The following ARHGAP42 variants were observed in gnomAD, a reference collection of about 807,000 sequenced individuals.
ARHGAP42 encodes rho GTPase-activating protein 42.
ARHGAP42 carries 63 observed loss-of-function variants against 125.0 expected under a neutral mutation model. The observed-to-expected ratio is 0.50, with a 90% CI of 0.41 to 0.62. The LOEUF (loss-of-function observed/expected upper bound fraction) is 0.62. Ranked by LOEUF, ARHGAP42 falls within the 20% of genes least tolerant of loss-of-function variation. The probability of loss-of-function intolerance (pLI) is 0.00; values close to 1 mark genes in which losing one functional copy is unlikely to be tolerated. For missense variants in ARHGAP42, 766 were observed against 1,024.2 expected (o/e 0.75, Z 3.44); for synonymous variants, 339 against 351.0 (o/e 0.97, Z 0.38).
chr11:100,838,758 C>T (rs958673363), intron 3 of ARHGAP42, among the ~76,000 whole-genome samples: 4 of 151,874 alleles, frequency 2.6e-5, no homozygotes, highest in African/African-American at 9.7e-5. Flanking sequence ...AAAAAATCTA[C>T]ATTTAATCTG....
At chr11:100,867,381 T>G (rs1357411091) in intron 4 of ARHGAP42, among the ~76,000 whole-genome samples, 1 of 152,252 alleles carries the variant, frequency 6.6e-6, no homozygotes, top group Non-Finnish European at 1.5e-5. Context: ...TTTAGCTATA[T>G]CTTCTGGATA....
chr11:100,783,934 G>A (rs2135015067), intron 2 of ARHGAP42, among the ~76,000 whole-genome samples: 1 of 152,172 alleles, frequency 6.6e-6, no homozygotes, highest in South Asian at 2.1e-4. Flanking sequence ...AAAATAGAAG[G>A]GGGGTCAAAA....
intron 3 of ARHGAP42, among the ~76,000 whole-genome samples, chr11:100,836,730 C>CTTT (rs200596327): frequency 8.1e-6 from 1 of 123,250 alleles, no homozygotes; most frequent in Non-Finnish European, 1.7e-5. Flanking sequence ...TTGTTGTTTT[C>CTTT]TTTTTTTTTT....
At chr11:100,872,294 A>C (rs1397167134) in intron 4 of ARHGAP42, among the ~76,000 whole-genome samples, 1 of 152,326 alleles carries the variant, frequency 6.6e-6, no homozygotes, top group South Asian at 2.1e-4. Context: ...CAGCCCCTTA[A>C]GGAACAGCTT....
chr11:100,975,526 CT>C (rs1219384616), intron 19 of ARHGAP42, among the ~76,000 whole-genome samples: 2 of 152,088 alleles, frequency 1.3e-5, no homozygotes, highest in Non-Finnish European at 2.9e-5. Context: ...GGAAAAAAGC[CT>C]TTGAAAATTG....
At chr11:100,947,430 G>T (rs955504262) in intron 10 of ARHGAP42, among the ~76,000 whole-genome samples, 1 of 151,858 alleles carries the variant, frequency 6.6e-6, no homozygotes, top group Non-Finnish European at 1.5e-5. Flanking sequence ...TAACCTTGGA[G>T]CACTTTATTA....
At chr11:100,709,440 C>T (rs1047894503) in intron 1 of ARHGAP42, among the ~76,000 whole-genome samples, 1 of 152,174 alleles carries the variant, frequency 6.6e-6, no homozygotes, top group Non-Finnish European at 1.5e-5. Flanking sequence ...AGAAGCTGGA[C>T]AGTGGGGTGA....
At chr11:100,931,267 A>C (rs17646163) in intron 6 of ARHGAP42, among the ~76,000 whole-genome samples, 3 of 152,124 alleles carry the variant, frequency 2.0e-5, no homozygotes, top group Non-Finnish European at 4.4e-5. Flanking sequence ...TTAGTACTTT[A>C]GGACTGGAGC....
intron 5 of ARHGAP42, among the ~76,000 whole-genome samples, chr11:100,920,789 A>G (rs949181869): frequency 3.3e-5 from 5 of 152,126 alleles, no homozygotes; most frequent in African/African-American, 1.2e-4. Flanking sequence ...AGCATGATTC[A>G]TCAGTTTAGA....
chr11:100,746,641 T>C (rs2120352015), intron 1 of ARHGAP42, among the ~76,000 whole-genome samples: 1 of 152,264 alleles, frequency 6.6e-6, no homozygotes, highest in East Asian at 1.9e-4. Context: ...AGGTGAGTCA[T>C]AGTTTGATTT....
chr11:100,705,013 C>CAAAA (rs1211966921), intron 1 of ARHGAP42, among the ~76,000 whole-genome samples: 68 of 54,686 alleles, frequency 1.2e-3, no homozygotes, highest in African/African-American at 5.0e-3. Flanking sequence ...ACAACAACAA[C>CAAAA]AAAAAAAAAA....
intron 1 of ARHGAP42, among the ~76,000 whole-genome samples, chr11:100,709,056 T>C (rs532518336): frequency 6.6e-6 from 1 of 151,952 alleles, no homozygotes; most frequent in African/African-American, 2.4e-5. Flanking sequence ...TTTTGTTTTT[T>C]TGAGATGGAG....
intron 4 of ARHGAP42, among the ~76,000 whole-genome samples, chr11:100,874,770 T>C (rs1212094960): frequency 6.6e-6 from 1 of 152,206 alleles, no homozygotes; most frequent in Non-Finnish European, 1.5e-5. Context: ...ATTCCTTTCC[T>C]TCCCTTTGGG....
intron 21 of ARHGAP42, among the ~76,000 whole-genome samples, chr11:100,977,550 T>G (rs1858424642): frequency 6.6e-6 from 1 of 152,094 alleles, no homozygotes; most frequent in Non-Finnish European, 1.5e-5. Flanking sequence ...AGAAAGTGGG[T>G]GAAGAAGAAC....
In ARHGAP42 at chr11:100,935,135, T is replaced by G. The variant is rs577174185; in HGVS notation, c.703-1068T>G. Among the ~76,000 whole-genome samples the G allele has an allele frequency of 6.3e-3, 491 of 78,420 alleles. 3 individuals are homozygous for G. The highest frequency in any genetic ancestry group is 0.02 in the African/African-American group (457 of 23,154). The allele number at this position is 78,420 out of a possible 152,430, so 51.4% of individuals were successfully genotyped here. A position where few individuals can be genotyped will look rare whatever the true frequency, so the allele number is the denominator to read the frequency against. ...CAAGAAAATTTTCCTAATTTTGAGA[T>G]TTTTTTTTTTTTAAAATGGGGAATA... On this transcript the variant is annotated intron_variant, in intron 7 of 23. Transcript: ENST00000298815.
intron 4 of ARHGAP42, among the ~76,000 whole-genome samples, chr11:100,899,080 T>C (rs574603606): frequency 1.3e-5 from 2 of 152,368 alleles, no homozygotes; most frequent in Admixed American, 1.3e-4. Flanking sequence ...TCTTTATTTC[T>C]GCCTTCATTT....
At chr11:100,910,770 G>A (rs948686755) in intron 4 of ARHGAP42, among the ~76,000 whole-genome samples, 10 of 151,698 alleles carry the variant, frequency 6.6e-5, no homozygotes, top group African/African-American at 2.4e-4. Context: ...CCCTCATGTG[G>A]CCTAGTCTTT....
At chr11:100,869,523 T>C (rs1865653213) in intron 4 of ARHGAP42, among the ~76,000 whole-genome samples, 1 of 152,086 alleles carries the variant, frequency 6.6e-6, no homozygotes, top group Non-Finnish European at 1.5e-5. Context: ...TGACATTTCC[T>C]AGAAACTGTT....
At chr11:100,895,214 C>A (rs1175361055) in intron 4 of ARHGAP42, among the ~76,000 whole-genome samples, 2 of 152,102 alleles carry the variant, frequency 1.3e-5, no homozygotes, top group African/African-American at 4.8e-5. Context: ...ACAGAATTGG[C>A]TAAACATCAT....
Sources: gnomAD v4.1 joint callset for allele counts (sites outside exome capture counted in the v4.1 genomes callset) on GRCh38, gnomAD v4.1.1 for gene constraint, MANE v1.5 for transcripts, NCBI Gene and HGNC (gene_info 2026-07-23, HGNC 2026-07-21) for gene names.